Variants in RAP1GAP2 observed in about 807,000 individuals in gnomAD.
The protein encoded by RAP1GAP2 is rap1 GTPase-activating protein 2.
A neutral mutation model predicts 95.0 loss-of-function variants in RAP1GAP2; 27 were observed. That is an observed-to-expected ratio of 0.28 (90% CI 0.21 to 0.39). The LOEUF is 0.39. Ranked by LOEUF, RAP1GAP2 falls within the 10% of genes least tolerant of loss-of-function variation. The pLI is 1.00. For synonymous variants in RAP1GAP2, 373 were observed against 380.9 expected (o/e 0.98, Z 0.24); for missense variants, 771 against 970.0 (o/e 0.79, Z 2.72).
At chr17:3,017,104 C>G (rs2046794334) in intron 17 of RAP1GAP2, among the ~76,000 whole-genome samples, 1 of 152,262 alleles carries the variant, frequency 6.6e-6, no homozygotes, top group East Asian at 1.9e-4. Context: ...GGAAATCCCC[C>G]CCTGAGGTGG....
chr17:2,944,668 T>C (rs2043639922), intron 3 of RAP1GAP2, among the ~76,000 whole-genome samples: 1 of 152,134 alleles, frequency 6.6e-6, no homozygotes, highest in African/African-American at 2.4e-5. Context: ...CTTCAAAACA[T>C]CCAGCTAGGA....
chr17:2,763,238 C>A (rs1217193518), intron 1 of RAP1GAP2, among the ~76,000 whole-genome samples: 1 of 152,194 alleles, frequency 6.6e-6, no homozygotes, highest in African/African-American at 2.4e-5. Context: ...GATCACTGTT[C>A]TTGCTGTGAT....
Position 3,008,091 on chromosome 17 carries a change from A to G in RAP1GAP2, c.1440A>G (p.Pro480=), listed in dbSNP as rs754285426. 36 of 1,614,008 alleles carry G rather than the reference A, an allele frequency of 2.2e-5. No homozygotes were observed. Among genetic ancestry groups the G allele is most frequent in the Non-Finnish European group, 3.1e-5 (36 of 1,179,876 alleles). ...AHTQAMLGLG[P]EEDKFENGGH... is the part of the protein sequence containing the mutation. ...CACAGGCCATGCTGGGACTGGGCCC[A>G]GAGGAGGACAAGTTTGAGAATGGAG... Residue 480 remains proline, a synonymous_variant, in exon 17 of 25, where the codon CCA becomes CCG. Coordinates refer to ENST00000254695, the MANE Select transcript of RAP1GAP2 (RefSeq NM_015085.5). The surrounding 1 kb of genome is among the most constrained non-coding windows in gnomAD (Gnocchi z 4.2).
intron 2 of RAP1GAP2, among the ~76,000 whole-genome samples, chr17:2,771,062 A>G (rs969327992): frequency 6.6e-6 from 1 of 152,090 alleles, no homozygotes; most frequent in African/African-American, 2.4e-5. Context: ...ACAAACAAAC[A>G]AACAAACAAC....
At chr17:3,007,863 A>AAGCTC in intron 16 of RAP1GAP2, 148 bp from the exon 17 acceptor site, 1 of 921,524 alleles carries the variant, frequency 1.1e-6, no homozygotes, top group Admixed American at 2.9e-5. Context: ...TGTGAGCACG[A>AAGCTC]AGCTCAGCTC....
intron 2 of RAP1GAP2, among the ~76,000 whole-genome samples, chr17:2,849,998 G>GTTTTTTTTTTTTTT (rs1363363543): frequency 7.3e-6 from 1 of 136,130 alleles, no homozygotes. Context: ...AACACTGCCT[G>GTTTTTTTTTTTTTT]CTTTTTTTTT....
chr17:2,882,797 G>A (rs942495887), intron 2 of RAP1GAP2, among the ~76,000 whole-genome samples: 5 of 152,166 alleles, frequency 3.3e-5, no homozygotes, highest in African/African-American at 4.8e-5. Context: ...GGGAGGTGGC[G>A]AGGACTTTGT....
chr17:3,030,555 A>C lies in RAP1GAP2; in HGVS notation c.2108-367A>C, dbSNP rs550036210. Among the ~76,000 whole-genome samples, 39 of 152,336 alleles carry C rather than the reference A, an allele frequency of 2.6e-4. 1 individual carries two copies. The South Asian group carries it at 8.1e-3, about 32-fold the overall frequency. ...CTTGGGAAGAAGATATACTGTAGCC[A>C]CCATCTTTAGGGTGTTTCTACCACA... On this transcript the variant is annotated intron_variant, in intron 22 of 24. Coordinates refer to ENST00000254695, the MANE Select transcript of RAP1GAP2 (RefSeq NM_015085.5).
chr17:2,927,432 C>A (rs553023738), intron 3 of RAP1GAP2, among the ~76,000 whole-genome samples: 6 of 152,192 alleles, frequency 3.9e-5, no homozygotes, highest in African/African-American at 4.8e-5. Context: ...GGATTACAGG[C>A]GTGAGCCACC....
intron 2 of RAP1GAP2, among the ~76,000 whole-genome samples, chr17:2,829,469 A>G (rs1216332216): frequency 6.6e-6 from 1 of 152,062 alleles, no homozygotes; most frequent in South Asian, 2.1e-4. Flanking sequence ...CCTGGAGCCC[A>G]TGGACCCACC....
rs777940336 is a variant in RAP1GAP2 at position 2,903,911 on chromosome 17, G to C, written c.81-1373G>C. On this transcript the variant is annotated intron_variant, in intron 2 of 24. Coordinates refer to ENST00000254695, the MANE Select transcript of RAP1GAP2 (RefSeq NM_015085.5). This position sits in a 1 kb window ranked among gnomAD's most constrained non-coding sequence, Gnocchi z 4.1. ...CCTGGAGGGCTGGGCTCTGTAGGGA[G>C]GGTGGGTTTCTGTCATGAAGAAGGT... 6.6e-6 allele frequency among the ~76,000 whole-genome samples: 1 copy of C among 152,190 alleles called. No individual in the cohort carries two copies. The highest frequency in any genetic ancestry group is 1.5e-5 in the Non-Finnish European group (1 of 68,038).
chr17:2,862,403 T>C (rs756683709), intron 2 of RAP1GAP2, among the ~76,000 whole-genome samples: 4 of 152,140 alleles, frequency 2.6e-5, no homozygotes, highest in Non-Finnish European at 4.4e-5. Context: ...TGTTGCCAAA[T>C]AGAGGGCTTG....
At chr17:3,009,209 G>A (rs376391370) in intron 17 of RAP1GAP2, among the ~76,000 whole-genome samples, 155 of 152,282 alleles carry the variant, frequency 1.0e-3, no homozygotes, top group African/African-American at 3.5e-3. Context: ...GCCATTGTGC[G>A]AGTTCATTGA....
chr17:2,978,746 C>T lies in RAP1GAP2; in HGVS notation c.597-1541C>T, dbSNP rs144163983. 1.5e-3 allele frequency among the ~76,000 whole-genome samples: 224 copies of T among 151,952 alleles called. 1 individual carries two copies. The highest frequency in any genetic ancestry group is 6.8e-3 in the Middle Eastern group (2 of 294). Reference sequence around the variant, plus strand: ...GTCAGGAATTCGAGACCAGCCTGGCCAACATAGTGAAACCCTGTCTCTACT... The same window carrying T: ...GTCAGGAATTCGAGACCAGCCTGGCTAACATAGTGAAACCCTGTCTCTACT... On this transcript the variant is annotated intron_variant, in intron 8 of 24. Transcript: ENST00000254695.
Position 3,029,638 on chromosome 17 carries a change from T to C in RAP1GAP2, c.2108-1284T>C, listed in dbSNP as rs1026242160. 1.2e-4 allele frequency among the ~76,000 whole-genome samples: 19 copies of C among 152,134 alleles called. No homozygotes were observed. The highest frequency in any genetic ancestry group is 4.6e-4 in the African/African-American group (19 of 41,416). On this transcript the variant is annotated intron_variant, in intron 22 of 24. Transcript: ENST00000254695. The surrounding 1 kb of genome is among the most constrained non-coding windows in gnomAD (Gnocchi z 4.4). Reference sequence around the variant, plus strand: ...AGGTTACACAGAGGTGTTGTAGCCCTGGGTGGAACTCCTCGATTCGAAGCA... The same window carrying C: ...AGGTTACACAGAGGTGTTGTAGCCCCGGGTGGAACTCCTCGATTCGAAGCA...
chr17:2,960,380 A>G (rs1478721141), intron 4 of RAP1GAP2, among the ~76,000 whole-genome samples: 3 of 152,136 alleles, frequency 2.0e-5, no homozygotes, highest in African/African-American at 7.2e-5. Context: ...GCCAGCTGGG[A>G]CAGGGTCTGT....
chr17:2,841,435 C>G (rs2071368783), intron 2 of RAP1GAP2, among the ~76,000 whole-genome samples: 1 of 151,138 alleles, frequency 6.6e-6, no homozygotes, highest in Admixed American at 6.6e-5. Context: ...TCCTGAGTAG[C>G]TGGGACTACA....
At chr17:2,980,176 C>T (rs2045302850) in intron 8 of RAP1GAP2, 111 bp from the exon 9 acceptor site, 7 of 935,274 alleles carry the variant, frequency 7.5e-6, no homozygotes, top group Admixed American at 2.0e-5. Flanking sequence ...CTCCTGACCT[C>T]AAGTGATCTG....
In RAP1GAP2 at chr17:3,004,925, C is replaced by T. The variant is rs2046286271; in HGVS notation, c.1201-444C>T. On this transcript the variant is annotated intron_variant, in intron 14 of 24. Transcript: ENST00000254695. The surrounding 1 kb of genome is among the most constrained non-coding windows in gnomAD (Gnocchi z 4.1). ...ACGGGTCGGGAGAGGTCTGGATGCT[C>T]TGTTCCTCTGCGGCTAATCACCTGT... Among the ~76,000 whole-genome samples, 1 of 152,186 alleles carries T rather than the reference C, an allele frequency of 6.6e-6. No individual in the cohort carries two copies. Among genetic ancestry groups the T allele is most frequent in the Non-Finnish European group, 1.5e-5 (1 of 68,030 alleles).
Sources: allele counts gnomAD v4.1 joint callset (sites outside exome capture counted in the v4.1 genomes callset), GRCh38; gene constraint gnomAD v4.1.1; non-coding constraint Gnocchi (gnomAD v3.1); transcripts MANE v1.5; gene names NCBI Gene and HGNC (gene_info 2026-07-23, HGNC 2026-07-21).